The following RAPGEF5 variants were observed in gnomAD, a reference collection of about 807,000 sequenced individuals.
RAPGEF5 encodes the protein Rap guanine nucleotide exchange factor 5, also known as M-Ras-regulated GEF.
A neutral mutation model predicts 125.2 loss-of-function variants in RAPGEF5; 65 were observed. The ratio of observed to expected loss-of-function variants is 0.52; its 90% confidence interval spans 0.43 to 0.64. The LOEUF is 0.64. RAPGEF5 is among the 30% of genes least tolerant of loss of function. The pLI is 0.00. For synonymous variants in RAPGEF5, 391 were observed against 385.9 expected, an observed-to-expected ratio of 1.01 and a Z score of -0.16; for missense variants, 958 against 1,048.1, an observed-to-expected ratio of 0.91 and a Z score of 1.19.
At chr7:22,174,393 A>G (rs1483217890) in intron 11 of RAPGEF5, among the ~76,000 whole-genome samples, 10 of 152,166 alleles carry the variant, frequency 6.6e-5, no homozygotes, top group Non-Finnish European at 1.2e-4. Flanking sequence ...CTGTGAGTTG[A>G]CAAAATTTAA....
chr7:22,139,875 G>A (rs942084164), intron 21 of RAPGEF5, 150 bp downstream of exon 21: 25 of 658,302 alleles, frequency 3.8e-5, no homozygotes, highest in African/African-American at 3.5e-4. Flanking sequence ...TTATACAACC[G>A]TTTAAAGACC....
intron 6 of RAPGEF5, among the ~76,000 whole-genome samples, chr7:22,278,057 C>T (rs958000492): frequency 5.9e-5 from 9 of 152,164 alleles, no homozygotes; most frequent in African/African-American, 2.2e-4. Context: ...CTTGCTAATA[C>T]AGCCTAGCTC....
At chr7:22,265,858 C>T (rs1167448388) in intron 7 of RAPGEF5, among the ~76,000 whole-genome samples, 1 of 152,154 alleles carries the variant, frequency 6.6e-6, no homozygotes, top group East Asian at 1.9e-4. Context: ...CTACATTGGC[C>T]TCCACCTCTG....
intron 5 of RAPGEF5, among the ~76,000 whole-genome samples, chr7:22,307,655 C>T (rs1186777848): frequency 1.3e-5 from 2 of 152,146 alleles, no homozygotes; most frequent in Non-Finnish European, 2.9e-5. Context: ...AAAGACCATA[C>T]TGCTTGCCCC....
At chr7:22,241,786 G>C (rs1786338397) in intron 7 of RAPGEF5, among the ~76,000 whole-genome samples, 1 of 152,242 alleles carries the variant, frequency 6.6e-6, no homozygotes, top group South Asian at 2.1e-4. Flanking sequence ...GGGTAGAGTG[G>C]AAGATAAGGA....
chr7:22,198,566 C>A (rs1009633671), intron 9 of RAPGEF5, among the ~76,000 whole-genome samples: 1 of 152,122 alleles, frequency 6.6e-6, no homozygotes, highest in African/African-American at 2.4e-5. Flanking sequence ...AGTTACTGGA[C>A]CATTAATACC....
intron 6 of RAPGEF5, among the ~76,000 whole-genome samples, chr7:22,285,317 T>C (rs893893781): frequency 2.6e-5 from 4 of 152,202 alleles, no homozygotes; most frequent in Non-Finnish European, 5.9e-5. Context: ...GTCAGGACCA[T>C]CTGTATTCAA....
At chr7:22,141,067 A>C (rs1278182192) in intron 20 of RAPGEF5, among the ~76,000 whole-genome samples, 3 of 152,218 alleles carry the variant, frequency 2.0e-5, no homozygotes, top group Non-Finnish European at 4.4e-5. Context: ...TCTCACATGG[A>C]ATCTGGGAAT....
At chr7:22,139,746 A>G (rs1783196928) in intron 21 of RAPGEF5, 2 of 316,378 alleles carry the variant, frequency 6.3e-6, no homozygotes, top group South Asian at 5.9e-5. Flanking sequence ...AGCACGCATC[A>G]TCATGCGGGG....
intron 5 of RAPGEF5, among the ~76,000 whole-genome samples, chr7:22,304,890 A>G (rs1027237386): frequency 7.2e-5 from 11 of 152,230 alleles, no homozygotes; most frequent in Non-Finnish European, 1.3e-4. Context: ...AGTGAGACCA[A>G]TTGAATGGTA....
At position 22,122,433 on chromosome 7, in the gene RAPGEF5, G is replaced by A. The variant is rs1214542912; in HGVS notation, c.2625C>T (p.Leu875=). ...ACACCCGAGGCTCGATCCTGTGTGAGAGCTCAAACAGAGCCTGCTGGCTGT... is the reference window on the plus strand; with the variant it reads ...ACACCCGAGGCTCGATCCTGTGTGAAAGCTCAAACAGAGCCTGCTGGCTGT... ...VIDSQQALFE[L]SHRIEPRV Residue 875 remains leucine (L), a synonymous_variant, in exon 26 of 26, where the codon CTC becomes CTT. Transcript: ENST00000665637. 1 of 1,613,828 alleles carries A rather than the reference G, an allele frequency of 6.2e-7. No individual in the cohort carries two copies. Among genetic ancestry groups the A allele is most frequent in the Non-Finnish European group, 8.5e-7 (1 of 1,179,810 alleles).
At chr7:22,269,509 G>GA in intron 6 of RAPGEF5, among the ~76,000 whole-genome samples, 1 of 152,126 alleles carries the variant, frequency 6.6e-6, no homozygotes, top group Middle Eastern at 3.2e-3. Context: ...GACAGAAGGA[G>GA]AAAACACAGA....
At chr7:22,216,724 G>A (rs1002556193) in intron 9 of RAPGEF5, among the ~76,000 whole-genome samples, 4 of 152,178 alleles carry the variant, frequency 2.6e-5, no homozygotes, top group Non-Finnish European at 5.9e-5. Context: ...ACATAGGAAT[G>A]AGTGCTTGCT....
At position 22,315,406 on chromosome 7, in the gene RAPGEF5, A is replaced by T; in HGVS notation, c.353T>A (p.Leu118Gln). ...RNIIIVQAADLIKDRVNLKGF... is the reference protein window; with the variant it reads ...RNIIIVQAADQIKDRVNLKGF... ...CTTGAGGTTCACTCTGTCCTTTATCAGGTCAGCTGCTTGAACGATAATAAT... is the reference window on the plus strand; with the variant it reads ...CTTGAGGTTCACTCTGTCCTTTATCTGGTCAGCTGCTTGAACGATAATAAT... Residue 118 changes from leucine (L) to glutamine (Q), a missense_variant, in exon 3 of 26, where the codon CTG (leucine) becomes CAG (glutamine). By Grantham distance (113) the Leu-to-Gln change is moderately radical (BLOSUM62 -2). Transcript: ENST00000665637. 1 of 1,538,602 alleles carries T rather than the reference A, an allele frequency of 6.5e-7. No individual in the cohort carries two copies.
At chr7:22,302,167 C>A (rs1290266765) in intron 5 of RAPGEF5, among the ~76,000 whole-genome samples, 6 of 152,188 alleles carry the variant, frequency 3.9e-5, no homozygotes, top group Admixed American at 3.9e-4. Flanking sequence ...CTTGTAATCC[C>A]TTTTGGATAC....
At chr7:22,196,085 T>G (rs984810653) in intron 9 of RAPGEF5, among the ~76,000 whole-genome samples, 8 of 152,186 alleles carry the variant, frequency 5.3e-5, no homozygotes, top group Admixed American at 3.3e-4. Context: ...TGATGTACTA[T>G]CAATAGCATC....
chr7:22,141,622 C>A (rs547766217), intron 20 of RAPGEF5, among the ~76,000 whole-genome samples: 43 of 152,308 alleles, frequency 2.8e-4, no homozygotes, highest in African/African-American at 9.6e-4. Context: ...AACAGTGGAA[C>A]CTAGAAAGGC....
chr7:22,205,554 C>A (rs1785379044), intron 9 of RAPGEF5, among the ~76,000 whole-genome samples: 1 of 152,142 alleles, frequency 6.6e-6, no homozygotes, highest in African/African-American at 2.4e-5. Flanking sequence ...AGAGTAAATT[C>A]TTCACGTGAC....
intron 5 of RAPGEF5, among the ~76,000 whole-genome samples, chr7:22,301,861 T>C (rs896034587): frequency 2.0e-5 from 3 of 152,188 alleles, no homozygotes; most frequent in Non-Finnish European, 2.9e-5. Context: ...TTTTGGTTTT[T>C]TTCCCACAGC....
Sources: gnomAD v4.1 joint callset for allele counts (sites outside exome capture counted in the v4.1 genomes callset) on GRCh38, gnomAD v4.1.1 for gene constraint, MANE v1.5 for transcripts, NCBI Gene and HGNC (gene_info 2026-07-23, HGNC 2026-07-21) for gene names.